RAB3GAP1: variants seen among roughly 807,000 people sequenced by gnomAD.
RAB3GAP1 encodes rab3 GTPase-activating protein catalytic subunit.
A neutral mutation model predicts 130.7 loss-of-function variants in RAB3GAP1; 86 were observed. The ratio of observed to expected loss-of-function variants is 0.66; its 90% CI spans 0.55 to 0.79. The LOEUF (loss-of-function observed/expected upper bound fraction) is 0.79, where lower values mean the gene tolerates loss of function less well. RAB3GAP1 is among the 30% of genes least tolerant of loss of function. The pLI is 0.00. For missense variants in RAB3GAP1, 1,029 were observed against 1,169.4 expected (o/e 0.88, Z 1.75); for synonymous variants, 367 against 401.7 (o/e 0.91, Z 1.03).
At chr2:135,073,926 C>T (rs1689548413) in intron 3 of RAB3GAP1, among the ~76,000 whole-genome samples, 1 of 152,180 alleles carries the variant, frequency 6.6e-6, no homozygotes, top group Non-Finnish European at 1.5e-5. Context: ...TCTCCCAGGG[C>T]ATCCCACCAA....
At chr2:135,099,968 G>T (rs72978341) in intron 5 of RAB3GAP1, among the ~76,000 whole-genome samples, 16,353 of 152,006 alleles carry the variant, frequency 0.11, 2,181 homozygotes, top group African/African-American at 0.32. Flanking sequence ...CCAGGGCCTC[G>T]TAAGCAGAGG....
At chr2:135,117,456 G>GCTTCTTCTTCTTCTTCTTCTTCTTCTT (rs1691010625) in intron 7 of RAB3GAP1, among the ~76,000 whole-genome samples, 2 of 41,846 alleles carry the variant, frequency 4.8e-5, no homozygotes, top group Admixed American at 3.2e-4. Context: ...TTCTTCTTCT[G>GCTTCTTCTTCTTCTTCTTCTTCTTCTT]CTTCTGCTTC....
intron 5 of RAB3GAP1, among the ~76,000 whole-genome samples, chr2:135,097,027 A>G (rs547851219): frequency 6.6e-6 from 1 of 152,252 alleles, no homozygotes; most frequent in African/African-American, 2.4e-5. Context: ...TATTTTTAAA[A>G]TCAACGTAGT....
At chr2:135,053,280 C>T (rs1033293364) in intron 2 of RAB3GAP1, among the ~76,000 whole-genome samples, 140 of 152,344 alleles carry the variant, frequency 9.2e-4, no homozygotes, top group African/African-American at 3.2e-3. Flanking sequence ...TTAGAATAAC[C>T]TTTTTAAAAA....
Position 135,130,584 on chromosome 2 carries a change from T to C in RAB3GAP1, c.1099T>C (p.Leu367=), listed in dbSNP as rs758371125. 1 of 1,613,790 alleles carries C rather than the reference T, an allele frequency of 6.2e-7. No individual in the cohort carries two copies. The highest frequency in any genetic ancestry group is 8.5e-7 in the Non-Finnish European group (1 of 1,179,850). The change falls in exon 13 of 24, where the codon TTG becomes CTG. Residue 367 remains leucine (L), a synonymous_variant. Transcript: ENST00000264158. ...TGATATAACTCATGCTTTGTCAAAA[T>C]TGACAGAGCCGGCATCAGTTCCAAT... ...TADITHALSK[L]TEPASVPIHK...
At chr2:135,121,434 T>C (rs1354882476) in intron 8 of RAB3GAP1, among the ~76,000 whole-genome samples, 1 of 152,174 alleles carries the variant, frequency 6.6e-6, no homozygotes, top group Non-Finnish European at 1.5e-5. Flanking sequence ...TGCTTACCCT[T>C]GATAAACAGA....
intron 17 of RAB3GAP1, among the ~76,000 whole-genome samples, chr2:135,138,435 G>A (rs1691742215): frequency 6.6e-6 from 1 of 152,020 alleles, no homozygotes; most frequent in African/African-American, 2.4e-5. Context: ...GGGCAACAGA[G>A]CAAGACCCTG....
chr2:135,146,501 C>A (rs1366445823), intron 17 of RAB3GAP1, among the ~76,000 whole-genome samples: 1 of 152,060 alleles, frequency 6.6e-6, no homozygotes, highest in Non-Finnish European at 1.5e-5. Context: ...CTTGAGCCAC[C>A]GCCCCTGACT....
chr2:135,106,756 T>TAAAAAAA (rs201827793), intron 5 of RAB3GAP1, among the ~76,000 whole-genome samples: 2 of 65,648 alleles, frequency 3.0e-5, no homozygotes, highest in African/African-American at 1.2e-4. Flanking sequence ...CAATAAATAC[T>TAAAAAAA]AAAAAAAAAA....
chr2:135,130,211 A>G, intron 12 of RAB3GAP1, 124 bp downstream of exon 12: 3 of 809,258 alleles, frequency 3.7e-6, no homozygotes, highest in Non-Finnish European at 4.2e-6. Flanking sequence ...GTTTTGATGG[A>G]CTAGACAGCT....
intron 5 of RAB3GAP1, among the ~76,000 whole-genome samples, chr2:135,112,536 A>G (rs1203829103): frequency 6.6e-6 from 1 of 152,152 alleles, no homozygotes; most frequent in African/African-American, 2.4e-5. Context: ...GAGAGATGTG[A>G]AGCAGCAGGC....
At position 135,152,710 on chromosome 2, in the gene RAB3GAP1, C is replaced by T. The variant is rs375350485; in HGVS notation, c.2062-939C>T. On this transcript the variant is annotated intron_variant, in intron 18 of 23. Transcript: ENST00000264158. ...TCCTAAGATGGTAGGGATGGTCATG[C>T]TGGTAGCCCTTGAGCTCAGTGAGGA... Among the ~76,000 whole-genome samples, 33 of 152,272 alleles carry T rather than the reference C, an allele frequency of 2.2e-4. No individual in the cohort carries two copies. In the South Asian group the frequency reaches 5.8e-3, roughly 27 times the overall value.
chr2:135,149,895 G>C (rs902924661), intron 17 of RAB3GAP1, among the ~76,000 whole-genome samples: 10 of 152,158 alleles, frequency 6.6e-5, no homozygotes, highest in Non-Finnish European at 1.5e-4. Flanking sequence ...CTGACCTCAT[G>C]ATCCACCCGC....
chr2:135,064,713 C>T (rs1465464466), intron 3 of RAB3GAP1, among the ~76,000 whole-genome samples: 2 of 140,564 alleles, frequency 1.4e-5, no homozygotes, highest in Admixed American at 7.0e-5. Flanking sequence ...GAGTATAGAT[C>T]ACATTTTCCT....
chr2:135,070,402 A>G (rs1689434475), intron 3 of RAB3GAP1, among the ~76,000 whole-genome samples: 3 of 152,216 alleles, frequency 2.0e-5, no homozygotes, highest in Admixed American at 2.0e-4. Context: ...TCGTGGATAG[A>G]AGGACTTTAC....
chr2:135,066,530 A>G (rs1574079155), intron 3 of RAB3GAP1, among the ~76,000 whole-genome samples: 1 of 152,332 alleles, frequency 6.6e-6, no homozygotes, highest in East Asian at 1.9e-4. Flanking sequence ...GTTTTGGTAT[A>G]AGCGGGATTA....
chr2:135,066,868 C>CAGT (rs1477742483), intron 3 of RAB3GAP1, among the ~76,000 whole-genome samples: 1 of 152,062 alleles, frequency 6.6e-6, no homozygotes, highest in African/African-American at 2.4e-5. Context: ...AGTAATATAA[C>CAGT]TGTTTAGTCA....
intron 5 of RAB3GAP1, among the ~76,000 whole-genome samples, chr2:135,107,204 A>G (rs1462348006): frequency 6.6e-6 from 1 of 152,204 alleles, no homozygotes; most frequent in Non-Finnish European, 1.5e-5. Flanking sequence ...AAAGATTGGC[A>G]GAATTCATCC....
At chr2:135,094,481 C>T (rs1233152472) in intron 5 of RAB3GAP1, among the ~76,000 whole-genome samples, 3 of 152,116 alleles carry the variant, frequency 2.0e-5, no homozygotes, top group Non-Finnish European at 4.4e-5. Context: ...AATGCTAGAT[C>T]TTACTTTTTC....
Sources: gnomAD v4.1 joint callset for allele counts (sites outside exome capture counted in the v4.1 genomes callset) on GRCh38, gnomAD v4.1.1 for gene constraint, MANE v1.5 for transcripts, NCBI Gene and HGNC (gene_info 2026-07-23, HGNC 2026-07-21) for gene names.